The following PLCXD3 variants were observed in gnomAD, a reference collection of about 807,000 sequenced individuals.
PLCXD3 encodes the protein phosphatidylinositol specific phospholipase C X domain containing 3, also known as PI-PLC X domain-containing protein 3.
PLCXD3 carries 19 observed loss-of-function variants against 25.5 expected under a neutral mutation model. The observed-to-expected ratio is 0.75, with a 90% CI of 0.52 to 1.09. The LOEUF (loss-of-function observed/expected upper bound fraction) is 1.09, where lower values mean the gene tolerates loss of function less well. Among genes scored for constraint, PLCXD3 ranks in the 50% least tolerant of loss-of-function variants. The pLI is 0.00. For missense variants in PLCXD3, 411 were observed against 388.1 expected (o/e 1.06, Z -0.50); for synonymous variants, 174 against 137.6 (o/e 1.26, Z -1.85).
At chr5:41,457,142 A>T (rs1038892644) in intron 1 of PLCXD3, among the ~76,000 whole-genome samples, 1 of 151,820 alleles carries the variant, frequency 6.6e-6, no homozygotes. Context: ...GCCACTCTAA[A>T]CCCTTGAAAT....
chr5:41,443,205 T>C (rs541212845), intron 1 of PLCXD3, among the ~76,000 whole-genome samples: 1 of 151,808 alleles, frequency 6.6e-6, no homozygotes, highest in South Asian at 2.1e-4. Flanking sequence ...CACATGAGAT[T>C]ATAATACCAT....
At chr5:41,446,623 A>C (rs1747510706) in intron 1 of PLCXD3, among the ~76,000 whole-genome samples, 1 of 151,994 alleles carries the variant, frequency 6.6e-6, no homozygotes, top group African/African-American at 2.4e-5. Context: ...CTTTGGAGAC[A>C]AGGAACTGAT....
intron 1 of PLCXD3, among the ~76,000 whole-genome samples, chr5:41,461,673 G>A (rs1286702313): frequency 6.6e-6 from 1 of 151,764 alleles, no homozygotes; most frequent in African/African-American, 2.4e-5. Context: ...AGAGAGAAAG[G>A]GGTGGTAACA....
intron 1 of PLCXD3, among the ~76,000 whole-genome samples, chr5:41,458,762 C>T (rs1304319679): frequency 1.3e-5 from 2 of 152,020 alleles, no homozygotes; most frequent in Non-Finnish European, 2.9e-5. Context: ...AAGAAAAACA[C>T]TAAAAGGCAT....
At position 41,314,207 on chromosome 5, in the gene PLCXD3, A is replaced by C. The variant is rs1743223241; in HGVS notation, c.813-437T>G. On this transcript the variant is annotated intron_variant, in intron 2 of 2. Transcript: ENST00000377801. ...TGCTAAGATATTGTAAATAGACATA[A>C]TAGTAAAATCCCCTGCCTTCAGAAA... 2.0e-5 allele frequency among the ~76,000 whole-genome samples: 3 copies of C among 152,218 alleles called. No individual in the cohort carries two copies. The South Asian group carries it at 6.2e-4, about 31-fold the overall frequency.
intron 2 of PLCXD3, among the ~76,000 whole-genome samples, chr5:41,326,495 C>T (rs999010527): frequency 1.3e-5 from 2 of 152,142 alleles, no homozygotes; most frequent in Non-Finnish European, 2.9e-5. Context: ...CCTCCTCAAC[C>T]TCATTTATTG....
intron 1 of PLCXD3, among the ~76,000 whole-genome samples, chr5:41,461,520 C>T (rs1026391556): frequency 1.3e-5 from 2 of 151,982 alleles, no homozygotes; most frequent in African/African-American, 4.8e-5. Context: ...TTCCTTCTTT[C>T]TAAAATGCTG....
intron 1 of PLCXD3, among the ~76,000 whole-genome samples, chr5:41,492,075 G>A (rs935913941): frequency 1.3e-5 from 2 of 152,182 alleles, no homozygotes; most frequent in African/African-American, 4.8e-5. Flanking sequence ...GCTGGTACTG[G>A]TTGTTCCTTT....
chr5:41,503,322 T>C lies in PLCXD3; in HGVS notation c.103+7102A>G, dbSNP rs116736004. On this transcript the variant is annotated intron_variant, in intron 1 of 2. Coordinates refer to ENST00000377801, the MANE Select transcript of PLCXD3 (RefSeq NM_001005473.3). ...AAATTTTCATTTATAATGATAATTA[T>C]GGATAAATGTGACTGCTTCATAAAA... Among the ~76,000 whole-genome samples the C allele has an allele frequency of 9.0e-3, 1,368 of 152,334 alleles. 21 individuals are homozygous for C. The highest frequency in any genetic ancestry group is 0.031 in the African/African-American group (1,290 of 41,570).
At chr5:41,341,711 T>A (rs929096090) in intron 2 of PLCXD3, among the ~76,000 whole-genome samples, 2 of 151,926 alleles carry the variant, frequency 1.3e-5, no homozygotes, top group African/African-American at 2.4e-5. Flanking sequence ...GGCAAGGCCA[T>A]GGTAGAAAAA....
intron 1 of PLCXD3, among the ~76,000 whole-genome samples, chr5:41,463,789 T>C (rs1349753575): frequency 1.6e-4 from 24 of 151,908 alleles, no homozygotes; most frequent in Non-Finnish European, 1.5e-5. Flanking sequence ...GTGTCATGCA[T>C]TGGAATTCAC....
At chr5:41,394,927 A>G (rs557873913) in intron 1 of PLCXD3, among the ~76,000 whole-genome samples, 29 of 152,148 alleles carry the variant, frequency 1.9e-4, no homozygotes, top group Non-Finnish European at 2.8e-4. Flanking sequence ...TCCAGACAGA[A>G]AATCAACAAG....
At chr5:41,343,386 T>A (rs1183578167) in intron 2 of PLCXD3, among the ~76,000 whole-genome samples, 1 of 152,098 alleles carries the variant, frequency 6.6e-6, no homozygotes. Context: ...AGAAAAAAAA[T>A]CAATCCAAAG....
chr5:41,378,177 G>A (rs758523251), intron 2 of PLCXD3, among the ~76,000 whole-genome samples: 1 of 152,048 alleles, frequency 6.6e-6, no homozygotes. Flanking sequence ...CTTTTGCAAG[G>A]CATGACCCCA....
chr5:41,446,286 G>T (rs375450311), intron 1 of PLCXD3, among the ~76,000 whole-genome samples: 20 of 151,376 alleles, frequency 1.3e-4, no homozygotes, highest in African/African-American at 4.4e-4. Context: ...TCCTACCAGG[G>T]AATTTTCATC....
chr5:41,363,206 C>T (rs1744840271), intron 2 of PLCXD3, among the ~76,000 whole-genome samples: 1 of 152,088 alleles, frequency 6.6e-6, no homozygotes, highest in Non-Finnish European at 1.5e-5. Flanking sequence ...TAGAAGTTAC[C>T]ACATGATGTG....
intron 1 of PLCXD3, among the ~76,000 whole-genome samples, chr5:41,448,156 T>G (rs972288590): frequency 3.3e-5 from 5 of 152,212 alleles, no homozygotes; most frequent in African/African-American, 9.6e-5. Flanking sequence ...TAGAAGGTGT[T>G]GTGAAATCAA....
intron 2 of PLCXD3, among the ~76,000 whole-genome samples, chr5:41,350,779 G>A (rs1237668815): frequency 5.9e-5 from 9 of 152,270 alleles, no homozygotes; most frequent in Admixed American, 4.6e-4. Context: ...TTCCCAGGAA[G>A]TTACCTCTTA....
intron 2 of PLCXD3, among the ~76,000 whole-genome samples, chr5:41,316,877 C>G (rs1743312792): frequency 6.6e-6 from 1 of 152,200 alleles, no homozygotes; most frequent in East Asian, 1.9e-4. Context: ...GTTTTTGGCT[C>G]TACTCCCTGA....
Sources: gnomAD v4.1 joint callset for allele counts (sites outside exome capture counted in the v4.1 genomes callset) on GRCh38, gnomAD v4.1.1 for gene constraint, MANE v1.5 for transcripts, NCBI Gene and HGNC (gene_info 2026-07-23, HGNC 2026-07-21) for gene names.